The following BRINP1 variants were observed in gnomAD, a reference collection of about 807,000 sequenced individuals.
BRINP1 encodes the protein BMP/retinoic acid inducible neural specific 1.
In BRINP1, 17 loss-of-function variants were observed where a neutral mutation model predicts 72.9. The ratio of observed to expected loss-of-function variants is 0.23; its 90% CI spans 0.16 to 0.35. BRINP1 has a LOEUF of 0.35. Ranked by LOEUF, BRINP1 falls within the 10% of genes least tolerant of loss-of-function variation. BRINP1 has a pLI of 1.00. For synonymous variants in BRINP1, 418 were observed against 378.5 expected (o/e 1.10, Z -1.21); for missense variants, 850 against 1,001.6 (o/e 0.85, Z 2.04).
At chr9:119,269,906 G>A (rs899177600) in intron 2 of BRINP1, among the ~76,000 whole-genome samples, 1 of 152,052 alleles carries the variant, frequency 6.6e-6, no homozygotes, top group Non-Finnish European at 1.5e-5. Flanking sequence ...CTAGCAGAAA[G>A]AGATAAATAA....
At chr9:119,319,127 G>A (rs544539685) in intron 1 of BRINP1, among the ~76,000 whole-genome samples, 44 of 152,168 alleles carry the variant, frequency 2.9e-4, no homozygotes, top group African/African-American at 1.0e-3. Context: ...CAAATGTTGA[G>A]AAACCCTGCT....
chr9:119,324,837 T>TG (rs1470809373), intron 1 of BRINP1, among the ~76,000 whole-genome samples: 1 of 152,164 alleles, frequency 6.6e-6, no homozygotes, highest in African/African-American at 2.4e-5. Flanking sequence ...CAGTGGCTCA[T>TG]GTCTGTAATC....
At chr9:119,294,638 G>A (rs538718940) in intron 2 of BRINP1, among the ~76,000 whole-genome samples, 70 of 152,172 alleles carry the variant, frequency 4.6e-4, no homozygotes, top group African/African-American at 1.6e-3. Flanking sequence ...GGCTGAGATG[G>A]GCAGATCACC....
At chr9:119,225,346 T>C (rs1830079267) in intron 5 of BRINP1, among the ~76,000 whole-genome samples, 1 of 151,966 alleles carries the variant, frequency 6.6e-6, no homozygotes, top group Non-Finnish European at 1.5e-5. Flanking sequence ...CTGCAGGGGA[T>C]TGGTCCTAGA....
chr9:119,353,383 C>T (rs1259057635), intron 1 of BRINP1, among the ~76,000 whole-genome samples: 1 of 152,184 alleles, frequency 6.6e-6, no homozygotes, highest in Non-Finnish European at 1.5e-5. Context: ...ACTATTCAAT[C>T]CTCATAGGAA....
At chr9:119,270,875 G>C (rs2118951065) in intron 2 of BRINP1, among the ~76,000 whole-genome samples, 1 of 152,288 alleles carries the variant, frequency 6.6e-6, no homozygotes, top group East Asian at 1.9e-4. Flanking sequence ...ACCAGAATCT[G>C]AACTAGAGAC....
intron 7 of BRINP1, among the ~76,000 whole-genome samples, chr9:119,187,091 T>A (rs963804176): frequency 4.0e-5 from 6 of 151,838 alleles, no homozygotes; most frequent in Non-Finnish European, 8.8e-5. Context: ...CATCTGGGCC[T>A]GAGCTACTGA....
Position 119,248,984 on chromosome 9 carries a change from G to A in BRINP1, c.385C>T (p.Leu129=). 6.2e-7 allele frequency: 1 copy of A among 1,613,838 alleles called. No individual in the cohort carries two copies. Among genetic ancestry groups the A allele is most frequent in the Non-Finnish European group, 8.5e-7 (1 of 1,179,802 alleles). The change falls in exon 3 of 8, where the codon CTG becomes TTG. Residue 129 remains leucine (L), a synonymous_variant. Transcript: ENST00000265922. ...DTIIKKYGTH[L]LISATLGGEE... is the part of the protein sequence containing the mutation. The stretch of plus-strand genomic sequence containing the variant: ...CCTCCCAATGTGGCTGAGATGAGCA[G>A]GTGGGTGCCGTACTTTTTGATGATG...
intron 1 of BRINP1, among the ~76,000 whole-genome samples, chr9:119,360,376 C>A (rs926953532): frequency 1.3e-5 from 2 of 152,206 alleles, no homozygotes; most frequent in East Asian, 1.9e-4. Flanking sequence ...CTTCCTTTAT[C>A]ATGCGCCTGT....
intron 7 of BRINP1, among the ~76,000 whole-genome samples, chr9:119,199,138 G>A (rs1171637160): frequency 6.6e-6 from 1 of 152,094 alleles, no homozygotes; most frequent in Non-Finnish European, 1.5e-5. Context: ...GGAGACTTTT[G>A]GAGGTCACAC....
chr9:119,174,089 T>C (rs1347839256), intron 7 of BRINP1, among the ~76,000 whole-genome samples: 1 of 144,040 alleles, frequency 6.9e-6, no homozygotes, highest in Non-Finnish European at 1.5e-5. Flanking sequence ...CCAAAAGCAA[T>C]GGCAACTGAA....
chr9:119,266,957 G>A lies in BRINP1; in HGVS notation c.219-17807C>T, dbSNP rs566507413. Among the ~76,000 whole-genome samples the A allele has an allele frequency of 4.0e-4, 61 of 152,344 alleles. 1 individual carries two copies. The South Asian group carries it at 0.013, about 32-fold the overall frequency. On this transcript the variant is annotated intron_variant, in intron 2 of 7. Transcript: ENST00000265922. The stretch of plus-strand genomic sequence containing the variant: ...TTTCAGAAGGATCACTCCGGCTGCT[G>A]TGTAGAGAAGACCTGAAGGCAGGGG...
chr9:119,255,873 T>C (rs1427379849), intron 2 of BRINP1, among the ~76,000 whole-genome samples: 1 of 146,886 alleles, frequency 6.8e-6, no homozygotes. Context: ...GAGAATCTCT[T>C]GAACCCGGGA....
At chr9:119,180,969 T>C (rs1829550343) in intron 7 of BRINP1, among the ~76,000 whole-genome samples, 1 of 152,150 alleles carries the variant, frequency 6.6e-6, no homozygotes, top group Non-Finnish European at 1.5e-5. Flanking sequence ...AATTAGGTTG[T>C]CAGGAGCCTA....
chr9:119,208,730 C>T lies in BRINP1; in HGVS notation c.1134G>A (p.Leu378=), dbSNP rs745705950. 9 of 1,612,838 alleles carry T rather than the reference C, an allele frequency of 5.6e-6. No homozygotes were observed. The South Asian group carries it at 7.7e-5, about 14-fold the overall frequency. ...VRCRHNPNHQ[L]PRERTIQQWL... is the part of the protein sequence containing the mutation. ...GTGGCAACACTTACCTCTCTCTAGG[C>T]AGCTGGTGGTTGGGATTGTGGCGAC... Residue 378 remains leucine (L), a synonymous_variant, in exon 7 of 8, where the codon CTG becomes CTA. Transcript: ENST00000265922.
At chr9:119,253,142 A>G (rs555978338) in intron 2 of BRINP1, among the ~76,000 whole-genome samples, 2 of 152,226 alleles carry the variant, frequency 1.3e-5, no homozygotes, top group African/African-American at 2.4e-5. Flanking sequence ...GAATTGGTCC[A>G]CTGGGGGAAG....
intron 2 of BRINP1, among the ~76,000 whole-genome samples, chr9:119,289,351 C>A (rs1472248151): frequency 6.6e-6 from 1 of 152,140 alleles, no homozygotes; most frequent in Non-Finnish European, 1.5e-5. Context: ...CGATGAAGAA[C>A]TGGTATTCTC....
chr9:119,246,430 T>C (rs1010059568), intron 3 of BRINP1, among the ~76,000 whole-genome samples: 1 of 152,196 alleles, frequency 6.6e-6, no homozygotes. Flanking sequence ...TGCTGGATGT[T>C]TCCTCTCCTT....
At chr9:119,262,468 C>T (rs949374148) in intron 2 of BRINP1, among the ~76,000 whole-genome samples, 1 of 151,626 alleles carries the variant, frequency 6.6e-6, no homozygotes, top group Non-Finnish European at 1.5e-5. Context: ...CCTGTCTCTA[C>T]TAAAAATAAA....
Sources: allele counts gnomAD v4.1 joint callset (sites outside exome capture counted in the v4.1 genomes callset), GRCh38; gene constraint gnomAD v4.1.1; transcripts MANE v1.5; gene names NCBI Gene and HGNC (gene_info 2026-07-23, HGNC 2026-07-21).